TBC1D5: variants seen among roughly 807,000 people sequenced by gnomAD.
TBC1D5 encodes TBC1 domain family member 5.
TBC1D5 carries 75 observed loss-of-function variants against 100.3 expected under a neutral mutation model. The ratio of observed to expected loss-of-function variants is 0.75; its 90% CI spans 0.62 to 0.91. The LOEUF is 0.91. Ranked by LOEUF, TBC1D5 falls within the 40% of genes least tolerant of loss-of-function variation. The pLI is 0.00. For missense variants in TBC1D5, 910 were observed against 942.4 expected, an observed-to-expected ratio of 0.97 and a Z score of 0.45; for synonymous variants, 323 against 325.6, an observed-to-expected ratio of 0.99 and a Z score of 0.09.
intron 13 of TBC1D5, among the ~76,000 whole-genome samples, chr3:17,357,241 G>A (rs977103377): frequency 6.6e-6 from 1 of 152,168 alleles, no homozygotes; most frequent in Non-Finnish European, 1.5e-5. Context: ...GTGGAGGGGA[G>A]TCAGGACAAA....
intron 13 of TBC1D5, among the ~76,000 whole-genome samples, chr3:17,343,326 C>G (rs2089309737): frequency 6.6e-6 from 1 of 151,720 alleles, no homozygotes; most frequent in African/African-American, 2.4e-5. Context: ...CCCACTTGAT[C>G]ATGGTGGATA....
At chr3:17,263,636 G>A (rs991630164) in intron 15 of TBC1D5, among the ~76,000 whole-genome samples, 5 of 152,142 alleles carry the variant, frequency 3.3e-5, no homozygotes, top group African/African-American at 1.2e-4. Flanking sequence ...GAAGAATGCT[G>A]AACATCAAAC....
At chr3:17,519,113 T>G (rs1270419156) in intron 2 of TBC1D5, 1 of 152,290 alleles carries the variant, frequency 6.6e-6, no homozygotes, top group East Asian at 1.9e-4. Context: ...GAAAACATTG[T>G]ATACCAGGGC....
chr3:17,168,619 G>A (rs974332169), intron 19 of TBC1D5, among the ~76,000 whole-genome samples: 2 of 152,340 alleles, frequency 1.3e-5, no homozygotes, highest in African/African-American at 2.4e-5. Flanking sequence ...CCGGGGTTGG[G>A]AGGAAAGCCT....
intron 16 of TBC1D5, among the ~76,000 whole-genome samples, chr3:17,244,479 T>C (rs749999985): frequency 8.0e-5 from 12 of 150,322 alleles, no homozygotes; most frequent in Non-Finnish European, 1.6e-4. Context: ...CTGCCCTTCC[T>C]TCCTCCTATC....
At chr3:17,363,698 C>A (rs2091906099) in intron 13 of TBC1D5, among the ~76,000 whole-genome samples, 1 of 151,874 alleles carries the variant, frequency 6.6e-6, no homozygotes, top group South Asian at 2.1e-4. Context: ...TAAGCATGAG[C>A]CACCTAATTT....
At chr3:17,544,138 G>C (rs1483367476) in intron 2 of TBC1D5, among the ~76,000 whole-genome samples, 1 of 152,084 alleles carries the variant, frequency 6.6e-6, no homozygotes, top group East Asian at 1.9e-4. Flanking sequence ...AAAGTGTTCG[G>C]ATTACAGATG....
chr3:17,527,999 C>T (rs887279516), intron 2 of TBC1D5, among the ~76,000 whole-genome samples: 2 of 151,844 alleles, frequency 1.3e-5, no homozygotes, highest in African/African-American at 2.4e-5. Context: ...AACGTTGGAT[C>T]GCCTCCCAAA....
At chr3:17,183,167 C>G (rs1241406519) in intron 19 of TBC1D5, among the ~76,000 whole-genome samples, 1 of 152,176 alleles carries the variant, frequency 6.6e-6, no homozygotes, top group Non-Finnish European at 1.5e-5. Flanking sequence ...TCTGCCTGTG[C>G]TGGCGCCAGC....
intron 2 of TBC1D5, among the ~76,000 whole-genome samples, chr3:17,554,927 G>A (rs2096503812): frequency 6.6e-6 from 1 of 150,764 alleles, no homozygotes; most frequent in African/African-American, 2.4e-5. Flanking sequence ...TTGGCTCACT[G>A]CCACCTCCGC....
chr3:17,656,165 A>C (rs1262427030), intron 1 of TBC1D5, among the ~76,000 whole-genome samples: 2 of 152,212 alleles, frequency 1.3e-5, no homozygotes, highest in African/African-American at 4.8e-5. Context: ...TCTCTCAAAG[A>C]AGCTGCCCTG....
intron 15 of TBC1D5, among the ~76,000 whole-genome samples, chr3:17,278,662 CAT>C (rs2080270182): frequency 6.6e-6 from 1 of 152,062 alleles, no homozygotes. Context: ...CATAAAGAGA[CAT>C]AGATCTGAAT....
At chr3:17,462,502 T>G (rs896265692) in intron 3 of TBC1D5, among the ~76,000 whole-genome samples, 1 of 151,946 alleles carries the variant, frequency 6.6e-6, no homozygotes, top group Non-Finnish European at 1.5e-5. Flanking sequence ...TATTTTTTTG[T>G]AGAGATGGAG....
intron 3 of TBC1D5, among the ~76,000 whole-genome samples, chr3:17,500,774 T>C (rs144088571): frequency 6.7e-6 from 1 of 149,448 alleles, no homozygotes. Context: ...CATGGGGACT[T>C]TCTACAAATC....
At chr3:17,410,372 A>G (rs888309553) in intron 4 of TBC1D5, among the ~76,000 whole-genome samples, 2 of 152,306 alleles carry the variant, frequency 1.3e-5, no homozygotes, top group African/African-American at 4.8e-5. Flanking sequence ...GATATGTACA[A>G]AGAGATTAAT....
rs182924098 is a variant in TBC1D5, at chr3:17,657,260, A to G, written c.-100-33347T>C. Among the ~76,000 whole-genome samples, 531 of 152,002 alleles carry G rather than the reference A, an allele frequency of 3.5e-3. 4 individuals carry two copies. Among genetic ancestry groups the G allele is most frequent in the African/African-American group, 0.012 (503 of 41,452 alleles). On this transcript the variant is annotated intron_variant, in intron 1 of 21. Transcript: ENST00000253692. ...ACAAAAGCTGGGGTAAGTACTACCA[A>G]CTTCAACCTTTGGGCCCTTCCTTGG... is the stretch of plus-strand genomic sequence containing the variant.
intron 1 of TBC1D5, among the ~76,000 whole-genome samples, chr3:17,737,082 C>A (rs1459375299): frequency 1.3e-5 from 2 of 152,098 alleles, no homozygotes; most frequent in Non-Finnish European, 2.9e-5. Flanking sequence ...TCATTCTGAT[C>A]CCCACTTATC....
At chr3:17,520,294 C>T (rs1397510326) in intron 2 of TBC1D5, among the ~76,000 whole-genome samples, 1 of 151,994 alleles carries the variant, frequency 6.6e-6, no homozygotes, top group Non-Finnish European at 1.5e-5. Flanking sequence ...AATAATTTAA[C>T]TAAAGCAAAC....
chr3:17,296,110 C>T (rs2082228779), intron 14 of TBC1D5, among the ~76,000 whole-genome samples: 1 of 151,744 alleles, frequency 6.6e-6, no homozygotes, highest in Non-Finnish European at 1.5e-5. Flanking sequence ...TGTCAAAGGC[C>T]AAGAATAGCA....
Sources: gnomAD v4.1 joint callset for allele counts (sites outside exome capture counted in the v4.1 genomes callset) on GRCh38, gnomAD v4.1.1 for gene constraint, MANE v1.5 for transcripts, NCBI Gene and HGNC (gene_info 2026-07-23, HGNC 2026-07-21) for gene names.